The following TMEM132D variants were observed in gnomAD, a reference collection of about 807,000 sequenced individuals.
TMEM132D encodes transmembrane protein 132D.
A neutral mutation model predicts 62.3 loss-of-function variants in TMEM132D; 21 were observed. That is an observed-to-expected ratio of 0.34 (90% CI 0.24 to 0.49). The LOEUF (loss-of-function observed/expected upper bound fraction) is 0.49, where lower values mean the gene tolerates loss of function less well. Among genes scored for constraint, TMEM132D ranks in the 20% least tolerant of loss-of-function variants. The pLI is 0.99. For missense variants in TMEM132D, 1,346 were observed against 1,402.8 expected, an observed-to-expected ratio of 0.96 and a Z score of 0.65; for synonymous variants, 621 against 575.6, an observed-to-expected ratio of 1.08 and a Z score of -1.13.
chr12:129,428,019 A>G (rs917411924), intron 3 of TMEM132D, among the ~76,000 whole-genome samples: 2 of 152,168 alleles, frequency 1.3e-5, no homozygotes, highest in African/African-American at 4.8e-5. Flanking sequence ...AAAAATTCAT[A>G]TATAATAATG....
chr12:129,262,344 A>T (rs1393614371), intron 4 of TMEM132D: 2 of 152,234 alleles, frequency 1.3e-5, no homozygotes. Flanking sequence ...TAGTAACATT[A>T]TAACCCTCAT....
At chr12:129,215,259 A>G (rs796254048) in intron 4 of TMEM132D, among the ~76,000 whole-genome samples, 71 of 152,294 alleles carry the variant, frequency 4.7e-4, no homozygotes, top group African/African-American at 1.7e-3. Context: ...GTTCTCGCTT[A>G]TAAGTGGGGG....
intron 1 of TMEM132D, among the ~76,000 whole-genome samples, chr12:129,900,661 A>AT (rs1476595874): frequency 6.6e-6 from 1 of 151,894 alleles, no homozygotes; most frequent in Non-Finnish European, 1.5e-5. Context: ...CTCCTCACCC[A>AT]TTTTTCCTCT....
intron 3 of TMEM132D, among the ~76,000 whole-genome samples, chr12:129,440,448 A>C (rs1372547991): frequency 6.6e-6 from 1 of 152,162 alleles, no homozygotes; most frequent in East Asian, 1.9e-4. Flanking sequence ...TAGAAGTCAG[A>C]ACTCAGACAG....
At chr12:129,317,514 G>C (rs764013870) in intron 4 of TMEM132D, among the ~76,000 whole-genome samples, 6 of 152,198 alleles carry the variant, frequency 3.9e-5, no homozygotes, top group Non-Finnish European at 7.3e-5. Flanking sequence ...GAAATCTGCT[G>C]TTAATCCGAT....
intron 5 of TMEM132D, among the ~76,000 whole-genome samples, chr12:129,175,695 T>C (rs9919691): frequency 0.17 from 25,780 of 152,050 alleles, 2,411 homozygotes; most frequent in Middle Eastern, 0.24. Flanking sequence ...GCAAAAACAG[T>C]GAAACTCCAT....
intron 2 of TMEM132D, among the ~76,000 whole-genome samples, chr12:129,624,552 G>A (rs1229639783): frequency 6.6e-6 from 1 of 152,224 alleles, no homozygotes; most frequent in African/African-American, 2.4e-5. Flanking sequence ...ACTGCAGACA[G>A]CACAGTGGCA....
chr12:129,451,110 G>A (rs780815090), intron 3 of TMEM132D, among the ~76,000 whole-genome samples: 4 of 152,238 alleles, frequency 2.6e-5, no homozygotes, highest in South Asian at 2.1e-4. Flanking sequence ...GAAGTGTGAC[G>A]TCTCTTCCTT....
At chr12:129,486,712 T>C (rs1365166712) in intron 3 of TMEM132D, among the ~76,000 whole-genome samples, 2 of 152,178 alleles carry the variant, frequency 1.3e-5, no homozygotes, top group South Asian at 2.1e-4. Flanking sequence ...CTTACCTCCA[T>C]GCCTGTGGTT....
intron 3 of TMEM132D, among the ~76,000 whole-genome samples, chr12:129,441,982 A>G (rs1165657188): frequency 6.6e-6 from 1 of 152,150 alleles, no homozygotes. Context: ...AGGCTACTAG[A>G]AGCAAGAGAT....
chr12:129,594,709 T>C (rs1010467954), intron 2 of TMEM132D, among the ~76,000 whole-genome samples: 2 of 152,220 alleles, frequency 1.3e-5, no homozygotes, highest in African/African-American at 4.8e-5. Context: ...CTTTTTATAC[T>C]GATGTTTCAC....
At chr12:129,436,497 A>C (rs1191401716) in intron 3 of TMEM132D, among the ~76,000 whole-genome samples, 3 of 152,214 alleles carry the variant, frequency 2.0e-5, no homozygotes, top group Admixed American at 6.5e-5. Flanking sequence ...GGTGAGGATG[A>C]GCACTGATAT....
At chr12:129,319,481 C>T (rs571775324) in intron 4 of TMEM132D, among the ~76,000 whole-genome samples, 16 of 152,224 alleles carry the variant, frequency 1.1e-4, no homozygotes, top group African/African-American at 3.1e-4. Flanking sequence ...AGGAGCAGTC[C>T]GCTTCCTTCA....
At position 129,322,635 on chromosome 12, in the gene TMEM132D, T is replaced by C. The variant is rs569417957; in HGVS notation, c.1299+14999A>G. On this transcript the variant is annotated intron_variant, in intron 4 of 8. Transcript: ENST00000422113. ...GGAAGGATTTTTTTCTAGAAAGATA[T>C]GGGTTCTAGGTTCCATCATTACACC... 2.0e-5 allele frequency among the ~76,000 whole-genome samples: 3 copies of C among 152,284 alleles called. No individual in the cohort carries two copies. The East Asian group carries it at 5.8e-4, about 29-fold the overall frequency.
At chr12:129,227,319 A>ATATG (rs1879508487) in intron 4 of TMEM132D, among the ~76,000 whole-genome samples, 2 of 139,990 alleles carry the variant, frequency 1.4e-5, no homozygotes, top group African/African-American at 5.5e-5. Flanking sequence ...ATATATATAT[A>ATATG]TATATATGGC....
At chr12:129,214,746 C>T (rs1879155185) in intron 4 of TMEM132D, among the ~76,000 whole-genome samples, 1 of 152,154 alleles carries the variant, frequency 6.6e-6, no homozygotes, top group African/African-American at 2.4e-5. Flanking sequence ...CAAATCAAAA[C>T]CACAATGAGA....
chr12:129,374,763 G>A (rs11060287), intron 3 of TMEM132D, among the ~76,000 whole-genome samples: 4 of 152,146 alleles, frequency 2.6e-5, no homozygotes, highest in Non-Finnish European at 2.9e-5. Context: ...CTTACTCAAC[G>A]TATATAACCT....
intron 1 of TMEM132D, among the ~76,000 whole-genome samples, chr12:129,715,243 A>T: frequency 6.6e-6 from 1 of 151,824 alleles, no homozygotes; most frequent in East Asian, 1.9e-4. Flanking sequence ...GAGGAAGAGG[A>T]GCATGAGCAG....
chr12:129,749,373 C>A (rs1049639568), intron 1 of TMEM132D, among the ~76,000 whole-genome samples: 12 of 152,236 alleles, frequency 7.9e-5, no homozygotes, highest in Admixed American at 6.5e-4. Context: ...GTAAAACTTT[C>A]ATGAACTGTC....
Sources: allele counts gnomAD v4.1 joint callset (sites outside exome capture counted in the v4.1 genomes callset), GRCh38; gene constraint gnomAD v4.1.1; transcripts MANE v1.5; gene names NCBI Gene and HGNC (gene_info 2026-07-23, HGNC 2026-07-21).